Variants in NDST3 observed in about 807,000 individuals in gnomAD.
NDST3 encodes bifunctional heparan sulfate N-deacetylase/N-sulfotransferase 3.
In NDST3, 58 loss-of-function variants were observed where a neutral mutation model predicts 96.1. The ratio of observed to expected loss-of-function variants is 0.60; its 90% CI spans 0.49 to 0.75. NDST3 has a LOEUF of 0.75. Among genes scored for constraint, NDST3 ranks in the 30% least tolerant of loss-of-function variants. NDST3 has a pLI of 0.00. For missense variants in NDST3, 788 were observed against 1,034.2 expected (o/e 0.76, Z 3.27); for synonymous variants, 333 against 359.7 (o/e 0.93, Z 0.84).
chr4:118,131,512 G>C (rs886298802), intron 4 of NDST3, among the ~76,000 whole-genome samples: 2 of 151,880 alleles, frequency 1.3e-5, no homozygotes, highest in Admixed American at 6.6e-5. Flanking sequence ...TGTTAATCTT[G>C]AATTTCTTTG....
chr4:118,146,357 C>T (rs111477326), intron 6 of NDST3, among the ~76,000 whole-genome samples: 3,006 of 152,284 alleles, frequency 0.02, 38 homozygotes, highest in South Asian at 0.034. Context: ...GTATTGGAAA[C>T]ATGGCACTTA....
At chr4:118,232,683 G>GAAAGAAAAGAAAAGGAAA (rs1740384424) in intron 8 of NDST3, among the ~76,000 whole-genome samples, 1 of 149,968 alleles carries the variant, frequency 6.7e-6, no homozygotes, top group Non-Finnish European at 1.5e-5. Flanking sequence ...GAAAAGAAAA[G>GAAAGAAAAGAAAAGGAAA]GAAAGAAACA....
intron 6 of NDST3, among the ~76,000 whole-genome samples, chr4:118,187,601 T>C (rs1368363224): frequency 4.6e-5 from 7 of 152,164 alleles, no homozygotes; most frequent in Non-Finnish European, 4.4e-5. Flanking sequence ...CTTCCACAAA[T>C]AAAAGTATAC....
At chr4:118,098,010 T>A (rs1729481175) in intron 2 of NDST3, among the ~76,000 whole-genome samples, 1 of 150,618 alleles carries the variant, frequency 6.6e-6, no homozygotes, top group Non-Finnish European at 1.5e-5. Flanking sequence ...AAACCTTTTT[T>A]TGGAAGGGGG....
At chr4:118,086,228 C>A (rs1362224302) in intron 2 of NDST3, among the ~76,000 whole-genome samples, 1 of 152,084 alleles carries the variant, frequency 6.6e-6, no homozygotes, top group Non-Finnish European at 1.5e-5. Context: ...GATTCCTAGA[C>A]CTTGTTTAAA....
At position 118,257,006 on chromosome 4, in the gene NDST3, G is replaced by A. The variant is rs948400673; in HGVS notation, c.*1294G>A. On this transcript the variant is annotated 3_prime_UTR_variant, in exon 14 of 14. Transcript: ENST00000296499. Reference sequence around the variant, plus strand: ...AGGATTAGCTACTAAATTAAATGCAGGAAGTACAAAGATGAGCAAGTCATG... The same window carrying A: ...AGGATTAGCTACTAAATTAAATGCAAGAAGTACAAAGATGAGCAAGTCATG... 6.6e-6 allele frequency: 1 copy of A among 152,052 alleles called. No individual in the cohort carries two copies. The highest frequency in any genetic ancestry group is 2.4e-5 in the African/African-American group (1 of 41,404). 9.4% of individuals were successfully genotyped at this position (152,052 alleles called of 1,614,324 possible).
At chr4:118,126,555 C>T (rs1301569913) in intron 4 of NDST3, among the ~76,000 whole-genome samples, 1 of 127,860 alleles carries the variant, frequency 7.8e-6, no homozygotes, top group African/African-American at 3.1e-5. Flanking sequence ...TATATATATA[C>T]ACCTCATAAT....
At chr4:118,171,232 C>T (rs1303026076) in intron 6 of NDST3, among the ~76,000 whole-genome samples, 1 of 152,154 alleles carries the variant, frequency 6.6e-6, no homozygotes, top group Non-Finnish European at 1.5e-5. Context: ...TCAGTCAAAG[C>T]CAAATCATTT....
intron 6 of NDST3, among the ~76,000 whole-genome samples, chr4:118,181,644 A>G (rs1178187157): frequency 6.6e-6 from 1 of 152,160 alleles, no homozygotes; most frequent in Non-Finnish European, 1.5e-5. Context: ...TCTTTTAAAT[A>G]TCTTTTCAAA....
intron 2 of NDST3, among the ~76,000 whole-genome samples, chr4:118,060,999 C>G (rs1725848319): frequency 6.6e-6 from 1 of 152,098 alleles, no homozygotes; most frequent in Non-Finnish European, 1.5e-5. Context: ...CGATGTGATT[C>G]TCAGCTTCTA....
rs140477656 is a variant in NDST3, at chr4:118,054,431, G to A, written c.521G>A (p.Ser174Asn). 7.7e-5 allele frequency: 125 copies of A among 1,613,056 alleles called. No individual in the cohort carries two copies. In the African/African-American group the frequency reaches 1.6e-3, roughly 21 times the overall value. ...FHKTSEKSVQ[S>N]FQLKGFPFSI... is the part of the protein sequence containing the mutation. ...AAAACTAGTGAGAAGAGTGTACAGA[G>A]CTTTCAGTTAAAAGGTTTCCCTTTT... The change falls in exon 2 of 14, where the codon AGC becomes AAC. Residue 174 changes from serine to asparagine, a missense_variant. This residue lies in a region of NDST3 where 234 missense variants were observed against 256.9 expected (regional missense o/e 0.91). Transcript: ENST00000296499.
At chr4:118,170,351 A>T (rs867209354) in intron 6 of NDST3, among the ~76,000 whole-genome samples, 1 of 152,240 alleles carries the variant, frequency 6.6e-6, no homozygotes, top group African/African-American at 2.4e-5. Flanking sequence ...GATACATGCC[A>T]AAAGATTTAA....
chr4:118,061,998 T>C (rs992995746), intron 2 of NDST3, among the ~76,000 whole-genome samples: 3 of 152,126 alleles, frequency 2.0e-5, no homozygotes, highest in Admixed American at 2.0e-4. Context: ...AGGTTAGTGT[T>C]TGCCTTATTT....
At chr4:118,151,119 C>T (rs1480603513) in intron 6 of NDST3, among the ~76,000 whole-genome samples, 1 of 152,118 alleles carries the variant, frequency 6.6e-6, no homozygotes, top group Admixed American at 6.5e-5. Flanking sequence ...TCATCATTCT[C>T]AGTAAACTAT....
intron 2 of NDST3, among the ~76,000 whole-genome samples, chr4:118,065,489 T>C (rs548646348): frequency 6.6e-6 from 1 of 152,134 alleles, no homozygotes; most frequent in East Asian, 1.9e-4. Flanking sequence ...GGAGCAGATG[T>C]GTGACTATCA....
At chr4:118,125,874 C>T (rs890957147) in intron 4 of NDST3, among the ~76,000 whole-genome samples, 3 of 152,010 alleles carry the variant, frequency 2.0e-5, no homozygotes, top group African/African-American at 7.2e-5. Context: ...AGTACCAAAT[C>T]TAAATTCCCT....
At chr4:118,145,740 C>T (rs747177392) in intron 6 of NDST3, among the ~76,000 whole-genome samples, 41 of 152,220 alleles carry the variant, frequency 2.7e-4, no homozygotes, top group Middle Eastern at 6.8e-3. Flanking sequence ...TTGGGGGAGC[C>T]GCACAAAACT....
At chr4:118,149,072 C>A (rs1226452486) in intron 6 of NDST3, among the ~76,000 whole-genome samples, 1 of 151,980 alleles carries the variant, frequency 6.6e-6, no homozygotes, top group Non-Finnish European at 1.5e-5. Flanking sequence ...TGTAGATATG[C>A]AGCATTATTT....
chr4:118,055,269 T>C (rs567136881), intron 2 of NDST3: 5 of 225,710 alleles, frequency 2.2e-5, no homozygotes, highest in Non-Finnish European at 4.4e-5. Flanking sequence ...TTAATGATAA[T>C]AAATATTTCC....
Sources: gnomAD v4.1 joint callset for allele counts (sites outside exome capture counted in the v4.1 genomes callset) on GRCh38, gnomAD v4.1.1 for gene constraint, gnomAD v4.1.1 regional missense constraint, MANE v1.5 for transcripts, NCBI Gene and HGNC (gene_info 2026-07-23, HGNC 2026-07-21) for gene names.